Variants in HEATR1 observed in about 807,000 individuals in gnomAD.
HEATR1 encodes the protein HEAT repeat-containing protein 1.
A neutral mutation model predicts 248.2 loss-of-function variants in HEATR1; 77 were observed. That is an observed-to-expected ratio of 0.31 (90% confidence interval 0.26 to 0.37). The LOEUF (loss-of-function observed/expected upper bound fraction) is 0.37, where lower values mean the gene tolerates loss of function less well. Among genes scored for constraint, HEATR1 ranks in the 10% least tolerant of loss-of-function variants. The pLI, the probability that HEATR1 is intolerant of heterozygous loss-of-function variation, is 1.00. For missense variants in HEATR1, 2,420 were observed against 2,504.9 expected (o/e 0.97, Z 0.72); for synonymous variants, 897 against 923.1 (o/e 0.97, Z 0.51).
In HEATR1 at chr1:236,603,944, G is replaced by C. The variant is rs377683163; in HGVS notation, c.142+10C>G. On this transcript the variant is annotated intron_variant, in intron 2 of 44. Transcript: ENST00000366582. ...TTCCAAGAGCTTTTCTAAGTTAAAAGATGGCTCACCAATGGCGAAGGCGGT... is the reference window on the plus strand; with the variant it reads ...TTCCAAGAGCTTTTCTAAGTTAAAACATGGCTCACCAATGGCGAAGGCGGT... 3.2e-6 allele frequency: 5 copies of C among 1,582,564 alleles called. No homozygotes were observed. The highest frequency in any genetic ancestry group is 4.3e-6 in the Non-Finnish European group (5 of 1,170,848).
chr1:236,574,555 C>T, intron 23 of HEATR1, 106 bp downstream of exon 23: 1 of 1,391,562 alleles, frequency 7.2e-7, no homozygotes, highest in Non-Finnish European at 9.7e-7. Flanking sequence ...TAACTATCTT[C>T]TCCAAATAAA....
intron 29 of HEATR1, among the ~76,000 whole-genome samples, chr1:236,567,108 C>T (rs1205192206): frequency 6.6e-6 from 1 of 152,062 alleles, no homozygotes; most frequent in Non-Finnish European, 1.5e-5. Flanking sequence ...CTGCCCCAGC[C>T]TCCGAAGAAG....
intron 28 of HEATR1, among the ~76,000 whole-genome samples, chr1:236,570,765 C>T (rs1258639224): frequency 6.6e-6 from 1 of 151,952 alleles, no homozygotes. Flanking sequence ...AAATCCCATA[C>T]AGATAAAACT....
rs1453707002 is a variant in HEATR1 at position 236,564,676 on chromosome 1, A to G, written c.4436-15T>C. 1 of 1,604,870 alleles carries G rather than the reference A, an allele frequency of 6.2e-7. No individual in the cohort carries two copies. Among genetic ancestry groups the G allele is most frequent in the African/African-American group, 1.3e-5 (1 of 74,590 alleles). On this transcript the variant is annotated splice_polypyrimidine_tract_variant and intron_variant, in intron 31 of 44. Transcript: ENST00000366582. ...GGGAATGGTTTCTGAAACAGCAATA[A>G]AACAAGTGACCTTACTCATTTTCAC...
At chr1:236,578,022 G>C (rs1370928231) in intron 20 of HEATR1, among the ~76,000 whole-genome samples, 1 of 152,164 alleles carries the variant, frequency 6.6e-6, no homozygotes, top group African/African-American at 2.4e-5. Flanking sequence ...TTTTGATAGA[G>C]AAATGTTAGA....
chr1:236,584,591 C>T (rs2794766), intron 17 of HEATR1, among the ~76,000 whole-genome samples: 89,292 of 151,890 alleles, frequency 0.59, 28,008 homozygotes, highest in Non-Finnish European at 0.69. Context: ...CTATGAAAGA[C>T]AGTAGTAGGC....
At chr1:236,587,643 T>C (rs1223588222) in intron 13 of HEATR1, among the ~76,000 whole-genome samples, 153 bp from the exon 14 acceptor site, 2 of 152,156 alleles carry the variant, frequency 1.3e-5, no homozygotes, top group East Asian at 3.8e-4. Flanking sequence ...TTCTCAAAAG[T>C]GGCATTCATA....
At chr1:236,565,873 T>G (rs1159092961) in intron 31 of HEATR1, 46 bp downstream of exon 31, 22 of 1,572,954 alleles carry the variant, frequency 1.4e-5, no homozygotes, top group Non-Finnish European at 1.9e-5. Context: ...TCTGTTTCTC[T>G]TTAGCTTTCA....
Position 236,592,573 on chromosome 1 carries a change from C to T in HEATR1, c.1254G>A (p.Val418=). Residue 418 remains valine (V), a synonymous_variant, in exon 10 of 45, where the codon GTG becomes GTA. Transcript: ENST00000366582. ...SSQEEMDSNK[V]SLLNEQFLPL... ...GAAGAAATTGTTCATTAAGCAAAGA[C>T]ACTTTATTAGAATCCATTTCTTCCT... 1 of 1,524,982 alleles carries T rather than the reference C, an allele frequency of 6.6e-7. No individual in the cohort carries two copies. Among genetic ancestry groups the T allele is most frequent in the Non-Finnish European group, 9.1e-7 (1 of 1,101,912 alleles). The allele number at this position is 1,524,982 out of a possible 1,614,324, so 94.5% of individuals were successfully genotyped here. A position where few individuals can be genotyped will look rare whatever the true frequency, so the allele number is the denominator to read the frequency against.
At position 236,555,635 on chromosome 1, in the gene HEATR1, T is replaced by C. The variant is rs770992929; in HGVS notation, c.5670A>G (p.Gly1890=). ...AGTCAATGATACAATTTTCCGTTTT[T>C]CCAACTTCCTCCAGATCGTTCTGAA... ...QHSENDLEEV[G]KTENCIIDCL... is the part of the protein sequence containing the mutation. The change falls in exon 40 of 45, where the codon GGA becomes GGG. Residue 1890 remains glycine (G), a synonymous_variant. Transcript: ENST00000366582. 6.2e-7 allele frequency: 1 copy of C among 1,614,230 alleles called. No homozygotes were observed. Among genetic ancestry groups the C allele is most frequent in the Non-Finnish European group, 8.5e-7 (1 of 1,180,042 alleles).
intron 14 of HEATR1, among the ~76,000 whole-genome samples, chr1:236,586,714 T>C (rs1663894523): frequency 6.6e-6 from 1 of 151,976 alleles, no homozygotes; most frequent in African/African-American, 2.4e-5. Flanking sequence ...ATACTTTTAA[T>C]CTGCTCATCC....
intron 30 of HEATR1, 77 bp from the exon 31 acceptor site, chr1:236,566,122 G>T: frequency 1.4e-6 from 2 of 1,418,656 alleles, no homozygotes; most frequent in Non-Finnish European, 9.6e-7. Flanking sequence ...ATGTGCGTTA[G>T]GATTTCTAGC....
intron 12 of HEATR1, 68 bp downstream of exon 12, chr1:236,590,779 T>G (rs982401313): frequency 1.4e-6 from 1 of 734,740 alleles, no homozygotes; most frequent in Non-Finnish European, 2.0e-6. Context: ...AACTTCAATT[T>G]CTTATTCAGA....
In HEATR1 at chr1:236,581,421, A is replaced by G; in HGVS notation, c.2563-7T>C. 1 of 259,296 alleles carries G rather than the reference A, an allele frequency of 3.9e-6. No individual in the cohort carries two copies. The highest frequency in any genetic ancestry group is 8.6e-5 in the South Asian group (1 of 11,588). The allele number at this position is 259,296 out of a possible 1,614,324, so 16.1% of individuals were successfully genotyped here. A position where few individuals can be genotyped will look rare whatever the true frequency, so the allele number is the denominator to read the frequency against. ...AAACATCTTCTAGATGCACCTAATT[A>G]AAAAAAAAAAAAAGCAAACTTTTAA... is the stretch of plus-strand genomic sequence containing the variant. On this transcript the variant is annotated splice_polypyrimidine_tract_variant and splice_region_variant and intron_variant, in intron 19 of 44. Coordinates refer to ENST00000366582, the MANE Select transcript of HEATR1 (RefSeq NM_018072.6).
chr1:236,592,392 C>T, intron 10 of HEATR1, 131 bp downstream of exon 10: 5 of 605,728 alleles, frequency 8.3e-6, no homozygotes, highest in South Asian at 6.2e-5. Flanking sequence ...CGATACTCGC[C>T]CCTTCTTGAA....
chr1:236,596,502 A>G (rs1030146453), intron 6 of HEATR1, among the ~76,000 whole-genome samples: 12 of 152,144 alleles, frequency 7.9e-5, no homozygotes, highest in African/African-American at 2.7e-4. Flanking sequence ...GGCAGGAGCC[A>G]GTGCACAAAG....
intron 7 of HEATR1, 21 bp from the exon 8 acceptor site, chr1:236,595,694 A>G (rs373635389): frequency 4.4e-6 from 7 of 1,604,710 alleles, no homozygotes; most frequent in Admixed American, 1.7e-5. Context: ...GCAAAAGTAC[A>G]TATCGTGTTG....
intron 17 of HEATR1, 78 bp downstream of exon 17, chr1:236,584,947 T>C (rs951099211): frequency 2.0e-5 from 25 of 1,275,852 alleles, no homozygotes; most frequent in Non-Finnish European, 2.5e-5. Context: ...GCCTCTGATT[T>C]TCAGTTTTGC....
At chr1:236,576,708 T>C in intron 21 of HEATR1, 72 bp downstream of exon 21, 1 of 1,385,956 alleles carries the variant, frequency 7.2e-7, no homozygotes, top group Non-Finnish European at 9.9e-7. Context: ...CAGTGAAATG[T>C]CGAGAATGGA....
Sources: gnomAD v4.1 joint callset for allele counts (sites outside exome capture counted in the v4.1 genomes callset) on GRCh38, gnomAD v4.1.1 for gene constraint, MANE v1.5 for transcripts, NCBI Gene and HGNC (gene_info 2026-07-23, HGNC 2026-07-21) for gene names.